The following USP33 variants were observed in gnomAD, a reference collection of about 807,000 sequenced individuals.
The protein encoded by USP33 is ubiquitin carboxyl-terminal hydrolase 33.
A neutral mutation model predicts 124.2 loss-of-function variants in USP33; 46 were observed. The ratio of observed to expected loss-of-function variants is 0.37; its 90% confidence interval spans 0.29 to 0.47. USP33 has a LOEUF of 0.47. USP33 is among the 20% of genes least tolerant of loss of function. The pLI is 0.99. For synonymous variants in USP33, 350 were observed against 352.3 expected (o/e 0.99, Z 0.07); for missense variants, 851 against 1,070.6 (o/e 0.79, Z 2.86).
chr1:77,752,491 A>C (rs1680430172), intron 1 of USP33, among the ~76,000 whole-genome samples: 1 of 152,208 alleles, frequency 6.6e-6, no homozygotes, highest in Non-Finnish European at 1.5e-5. Flanking sequence ...GGAGCTTTTA[A>C]TATTGAGAAA....
chr1:77,711,568 G>T, intron 21 of USP33, 179 bp downstream of exon 21: 3 of 943,548 alleles, frequency 3.2e-6, no homozygotes, highest in South Asian at 2.1e-5. Flanking sequence ...CACAAAGGGA[G>T]AACATAACTC....
chr1:77,721,018 T>G (rs1664157776), intron 15 of USP33, among the ~76,000 whole-genome samples, 154 bp downstream of exon 15: 1 of 152,232 alleles, frequency 6.6e-6, no homozygotes, highest in African/African-American at 2.4e-5. Context: ...CTCACATTTG[T>G]TTCACAAAAC....
Position 77,728,520 on chromosome 1 carries a change from C to G in USP33, c.910G>C (p.Gly304Arg). 1 of 1,614,046 alleles carries G rather than the reference C, an allele frequency of 6.2e-7. No homozygotes were observed. The highest frequency in any genetic ancestry group is 1.1e-5 in the South Asian group (1 of 91,080). ...TTATCTTCAGAAAAGCATCTAGAGC[C>G]ATTTTCATTTTCTGCTCTATCACTG... Reference protein sequence around the residue: ...SNSDRAENENGSRCFSEDNNE... With the variant: ...SNSDRAENENRSRCFSEDNNE... Residue 304 changes from glycine (G) to arginine (R), a missense_variant, in exon 10 of 24, where the codon GGC (glycine) becomes CGC (arginine). Physicochemically the swap from Gly to Arg is moderately radical, Grantham distance 125. This residue lies in a region of USP33 where 207 missense variants were observed against 200.9 expected (regional missense o/e 1.03). Transcript: ENST00000370794.
Position 77,725,759 on chromosome 1 carries a change from T to C in USP33, c.1139A>G (p.Tyr380Cys). ...GTCATTCGAATGGACATCAGTGATA[T>C]ATTCTGTAAGATTTAAAATTTGCAT... ...KVQIHSRASE[Y>C]ITDVHSNDLS... Residue 380 changes from tyrosine (Y) to cysteine (C), a missense_variant, in exon 11 of 24, where the codon TAT becomes TGT. This residue lies in a region of USP33 where 207 missense variants were observed against 200.9 expected (regional missense o/e 1.03). Transcript: ENST00000370794. 1.0e-5 allele frequency: 16 copies of C among 1,607,338 alleles called. No homozygotes were observed. The highest frequency in any genetic ancestry group is 9.3e-6 in the Non-Finnish European group (11 of 1,177,404).
chr1:77,730,815 T>A (rs762528063), intron 7 of USP33, 84 bp from the exon 8 acceptor site: 53 of 833,958 alleles, frequency 6.4e-5, no homozygotes, highest in Non-Finnish European at 8.7e-5. Context: ...TGACAACACA[T>A]ACATTCCTTT....
At chr1:77,743,128 A>G (rs1001074428) in intron 1 of USP33, among the ~76,000 whole-genome samples, 1 of 151,824 alleles carries the variant, frequency 6.6e-6, no homozygotes, top group Admixed American at 6.6e-5. Flanking sequence ...TATTTTTAGT[A>G]GAGATGGGGT....
At chr1:77,734,444 A>T (rs1418158073) in intron 6 of USP33, 28 bp from the exon 7 acceptor site, 2 of 1,412,490 alleles carry the variant, frequency 1.4e-6, no homozygotes, top group Non-Finnish European at 2.0e-6. Flanking sequence ...ACATGAAGTC[A>T]TCATTCAATA....
chr1:77,706,452 G>C (rs943583993), intron 21 of USP33, among the ~76,000 whole-genome samples: 1 of 152,114 alleles, frequency 6.6e-6, no homozygotes, highest in African/African-American at 2.4e-5. Flanking sequence ...TTGATGACAC[G>C]TGATTTGTAA....
intron 15 of USP33, among the ~76,000 whole-genome samples, chr1:77,719,977 C>T (rs1256078503): frequency 6.6e-6 from 1 of 150,402 alleles, no homozygotes; most frequent in Admixed American, 6.6e-5. Flanking sequence ...GCCTGGGCAA[C>T]ATGACAAAAC....
chr1:77,701,242 G>A (rs770947222), intron 22 of USP33, 127 bp downstream of exon 22: 20 of 626,030 alleles, frequency 3.2e-5, no homozygotes, highest in Non-Finnish European at 4.6e-5. Context: ...TAAGATCCCT[G>A]AGGACAGGAT....
At chr1:77,704,315 G>A (rs1341301209) in intron 21 of USP33, among the ~76,000 whole-genome samples, 1 of 152,120 alleles carries the variant, frequency 6.6e-6, no homozygotes, top group Non-Finnish European at 1.5e-5. Context: ...TCTGTGATGT[G>A]CAACTTATCC....
At chr1:77,739,751 A>T (rs1161658632) in intron 4 of USP33, among the ~76,000 whole-genome samples, 1 of 152,242 alleles carries the variant, frequency 6.6e-6, no homozygotes, top group Non-Finnish European at 1.5e-5. Flanking sequence ...AACTATTCTA[A>T]GAAATCAGAA....
chr1:77,701,601 C>T (rs1201166480), intron 21 of USP33, 130 bp from the exon 22 acceptor site: 2 of 672,312 alleles, frequency 3.0e-6, no homozygotes, highest in East Asian at 5.6e-5. Context: ...GTCCTTGAAC[C>T]CAGGAGTTCC....
intron 21 of USP33, among the ~76,000 whole-genome samples, chr1:77,704,713 A>T (rs927594385): frequency 2.6e-5 from 4 of 152,170 alleles, no homozygotes; most frequent in African/African-American, 7.2e-5. Flanking sequence ...TCTTTCCGCT[A>T]TATCTTTCAG....
intron 15 of USP33, among the ~76,000 whole-genome samples, 184 bp downstream of exon 15, chr1:77,720,988 T>G (rs1417216253): frequency 6.6e-6 from 1 of 152,204 alleles, no homozygotes; most frequent in African/African-American, 2.4e-5. Context: ...ATAAGCCTAT[T>G]AAATTTGTCA....
chr1:77,721,398 C>G, intron 14 of USP33, 193 bp from the exon 15 acceptor site: 1 of 604,028 alleles, frequency 1.7e-6, no homozygotes, highest in Admixed American at 3.2e-5. Flanking sequence ...CATTGAAGAC[C>G]TACCTCAAAT....
At position 77,710,057 on chromosome 1, in the gene USP33, AC is replaced by A. The variant is rs1389710056; in HGVS notation, c.2406+1689del. 5.9e-5 allele frequency among the ~76,000 whole-genome samples: 9 copies of A among 152,254 alleles called. No individual in the cohort carries two copies. In the East Asian group the frequency reaches 1.7e-3, roughly 29 times the overall value. On this transcript the variant is annotated intron_variant, in intron 21 of 23. Transcript: ENST00000370794. ...CAATGAGAAACTTGGTACTCATTACACGTATGTCTTGATCATTTTCCCATAT... is the reference window on the plus strand; with the variant it reads ...CAATGAGAAACTTGGTACTCATTACAGTATGTCTTGATCATTTTCCCATAT...
chr1:77,736,312 A>G (rs1678444862), intron 5 of USP33, among the ~76,000 whole-genome samples, 154 bp from the exon 6 acceptor site: 1 of 152,248 alleles, frequency 6.6e-6, no homozygotes, highest in Non-Finnish European at 1.5e-5. Flanking sequence ...AATTAAACTT[A>G]CATTTATATT....
chr1:77,705,811 C>A (rs1416780187), intron 21 of USP33, among the ~76,000 whole-genome samples: 1 of 152,178 alleles, frequency 6.6e-6, no homozygotes, highest in Non-Finnish European at 1.5e-5. Context: ...TGTCTTGCAC[C>A]AGTTTGCAAT....
Sources: gnomAD v4.1 joint callset for allele counts (sites outside exome capture counted in the v4.1 genomes callset) on GRCh38, gnomAD v4.1.1 for gene constraint, gnomAD v4.1.1 regional missense constraint, MANE v1.5 for transcripts, NCBI Gene and HGNC (gene_info 2026-07-23, HGNC 2026-07-21) for gene names.